The following JAZF1 variants were observed in gnomAD, a reference collection of about 807,000 sequenced individuals.
JAZF1 encodes juxtaposed with another zinc finger protein 1.
A neutral mutation model predicts 26.4 loss-of-function variants in JAZF1; 8 were observed. That is an observed-to-expected ratio of 0.30 (90% CI 0.18 to 0.55). JAZF1 has a LOEUF of 0.55. Among genes scored for constraint, JAZF1 ranks in the 20% least tolerant of loss-of-function variants. JAZF1 has a pLI of 0.94. For missense variants in JAZF1, 199 were observed against 322.0 expected (o/e 0.62, Z 2.92); for synonymous variants, 126 against 122.3 (o/e 1.03, Z -0.20).
chr7:27,842,801 C>A (rs939219347), intron 3 of JAZF1: 1 of 152,058 alleles, frequency 6.6e-6, no homozygotes, highest in Non-Finnish European at 1.5e-5. Flanking sequence ...GCTCCTCCAG[C>A]GGGACTTCAG....
chr7:27,881,486 C>T (rs1783770748), intron 3 of JAZF1, among the ~76,000 whole-genome samples: 1 of 152,144 alleles, frequency 6.6e-6, no homozygotes, highest in African/African-American at 2.4e-5. Context: ...AAATACCATT[C>T]ATAGCATCTA....
chr7:27,874,307 G>C (rs113580312), intron 3 of JAZF1, among the ~76,000 whole-genome samples: 6 of 152,210 alleles, frequency 3.9e-5, no homozygotes, highest in African/African-American at 1.4e-4. Flanking sequence ...AGAACATGAG[G>C]CTTTTTCTGA....
chr7:28,057,325 C>T (rs759242200), intron 1 of JAZF1, among the ~76,000 whole-genome samples: 307 of 152,304 alleles, frequency 2.0e-3, no homozygotes, highest in Non-Finnish European at 3.6e-3. Context: ...ATTTTAAACT[C>T]TACTTTTGTA....
chr7:28,098,877 T>C (rs925366690), intron 1 of JAZF1, among the ~76,000 whole-genome samples: 3 of 152,176 alleles, frequency 2.0e-5, no homozygotes, highest in South Asian at 4.1e-4. Context: ...AACAAGAAAG[T>C]CCATAAAGGG....
intron 1 of JAZF1, among the ~76,000 whole-genome samples, chr7:28,092,312 A>AAAAAAAAAAAAAAAAAAAAC (rs1784313738): frequency 7.3e-6 from 1 of 137,582 alleles, no homozygotes; most frequent in Non-Finnish European, 1.5e-5. Context: ...AAAAAAAAAA[A>AAAAAAAAAAAAAAAAAAAAC]AAAAAAAAAA....
chr7:28,155,408 C>T (rs1178619195), intron 1 of JAZF1, among the ~76,000 whole-genome samples: 1 of 152,212 alleles, frequency 6.6e-6, no homozygotes, highest in Non-Finnish European at 1.5e-5. Flanking sequence ...TGGAATAATA[C>T]ATCACTCTTC....
intron 1 of JAZF1, among the ~76,000 whole-genome samples, chr7:28,170,060 TCA>T (rs1350971620): frequency 2.0e-5 from 3 of 152,040 alleles, no homozygotes; most frequent in Non-Finnish European, 2.9e-5. Context: ...CTGAGGGTTT[TCA>T]GTGCTTAACT....
At chr7:28,041,598 C>T (rs889112522) in intron 1 of JAZF1, among the ~76,000 whole-genome samples, 1 of 152,048 alleles carries the variant, frequency 6.6e-6, no homozygotes, top group Non-Finnish European at 1.5e-5. Flanking sequence ...GCCTCATCAG[C>T]CTAAGGGCAA....
At position 27,831,841 on chromosome 7, in the gene JAZF1, C is replaced by T. The variant is rs955509961; in HGVS notation, c.*959G>A. The T allele has an allele frequency of 4.5e-6, 1 of 219,966 alleles. No individual in the cohort carries two copies. The highest frequency in any genetic ancestry group is 2.2e-5 in the African/African-American group (1 of 44,572). The allele number at this position is 219,966 out of a possible 1,614,324, so 13.6% of individuals were successfully genotyped here. On this transcript the variant is annotated 3_prime_UTR_variant, in exon 5 of 5. Coordinates refer to ENST00000283928, the MANE Select transcript of JAZF1 (RefSeq NM_175061.4). ...GGGCAGTGGTTGCAAGAATTGGCAACACATAAACATTAAATTGTTGGCAAT... is the reference window on the plus strand; with the variant it reads ...GGGCAGTGGTTGCAAGAATTGGCAATACATAAACATTAAATTGTTGGCAAT...
intron 1 of JAZF1, among the ~76,000 whole-genome samples, chr7:28,134,663 C>A (rs965363297): frequency 1.3e-5 from 2 of 151,808 alleles, no homozygotes; most frequent in African/African-American, 4.8e-5. Flanking sequence ...AGAAATACAA[C>A]AGGATCCTGG....
chr7:27,951,437 G>A (rs930413303), intron 2 of JAZF1, among the ~76,000 whole-genome samples: 1 of 152,134 alleles, frequency 6.6e-6, no homozygotes, highest in Non-Finnish European at 1.5e-5. Context: ...CAGTGTACAT[G>A]AATAAAAAGG....
intron 3 of JAZF1, among the ~76,000 whole-genome samples, chr7:27,845,104 A>C (rs1235873428): frequency 6.6e-6 from 1 of 152,262 alleles, no homozygotes; most frequent in African/African-American, 2.4e-5. Flanking sequence ...TTTTTGAAAC[A>C]ACAACAAAAT....
chr7:28,045,978 C>A (rs1783489657), intron 1 of JAZF1, among the ~76,000 whole-genome samples: 1 of 152,106 alleles, frequency 6.6e-6, no homozygotes, highest in Non-Finnish European at 1.5e-5. Context: ...TTAAGAAAGC[C>A]ATATAGAAGT....
intron 1 of JAZF1, among the ~76,000 whole-genome samples, chr7:28,035,640 G>A (rs564272423): frequency 7.9e-5 from 12 of 152,112 alleles, no homozygotes; most frequent in Non-Finnish European, 1.3e-4. Context: ...TGGACGAGAG[G>A]AGTAAGCTGG....
At chr7:28,123,779 T>TTA (rs903404066) in intron 1 of JAZF1, among the ~76,000 whole-genome samples, 1 of 152,224 alleles carries the variant, frequency 6.6e-6, no homozygotes, top group African/African-American at 2.4e-5. Context: ...TTGATGACTC[T>TTA]TACTAAGGTC....
At chr7:28,162,396 GC>G (rs1783306648) in intron 1 of JAZF1, among the ~76,000 whole-genome samples, 1 of 152,110 alleles carries the variant, frequency 6.6e-6, no homozygotes, top group African/African-American at 2.4e-5. Context: ...TCATCCTCAG[GC>G]CCCAGAGAAT....
chr7:28,060,189 TTTTC>T (rs1414589599), intron 1 of JAZF1, among the ~76,000 whole-genome samples: 3 of 152,332 alleles, frequency 2.0e-5, no homozygotes, highest in African/African-American at 7.2e-5. Flanking sequence ...GCTTTTCAAA[TTTTC>T]TTTGTTATTT....
intron 1 of JAZF1, among the ~76,000 whole-genome samples, chr7:28,136,421 C>A (rs1782887318): frequency 6.6e-6 from 1 of 152,214 alleles, no homozygotes; most frequent in South Asian, 2.1e-4. Context: ...AAGGAAAAGA[C>A]AGAAATCCCT....
At chr7:27,853,768 T>G (rs1257703611) in intron 3 of JAZF1, among the ~76,000 whole-genome samples, 3 of 152,184 alleles carry the variant, frequency 2.0e-5, no homozygotes, top group Admixed American at 6.5e-5. Flanking sequence ...TTCGTTTGCA[T>G]TTGCTGAGCA....
Sources: gnomAD v4.1 joint callset for allele counts (sites outside exome capture counted in the v4.1 genomes callset) on GRCh38, gnomAD v4.1.1 for gene constraint, MANE v1.5 for transcripts, NCBI Gene and HGNC (gene_info 2026-07-23, HGNC 2026-07-21) for gene names.